APOO: variants seen among roughly 807,000 people sequenced by gnomAD.
APOO encodes the protein apolipoprotein O.
In APOO, 11 loss-of-function variants were observed where a neutral mutation model predicts 23.1. The observed-to-expected ratio is 0.48, with a 90% CI of 0.30 to 0.79. The LOEUF (loss-of-function observed/expected upper bound fraction) is 0.79, where lower values mean the gene tolerates loss of function less well. APOO is among the 30% of genes least tolerant of loss of function. The pLI, the probability that APOO is intolerant of heterozygous loss-of-function variation, is 0.07. For synonymous variants in APOO, 59 were observed against 54.8 expected (o/e 1.08, Z -0.34); for missense variants, 160 against 142.7 (o/e 1.12, Z -0.62).
chrX:23,875,173 C>T (rs1350509871), intron 3 of APOO, among the ~76,000 whole-genome samples: 2 of 107,648 alleles, frequency 1.9e-5, no homozygotes, highest in Non-Finnish European at 3.8e-5. Flanking sequence ...TCACTTCAAT[C>T]CAGGAGGCGG....
intron 7 of APOO, among the ~76,000 whole-genome samples, chrX:23,847,846 T>C (rs1236165347): frequency 9.5e-6 from 1 of 104,780 alleles, no homozygotes; most frequent in East Asian, 3.0e-4. Flanking sequence ...TATATATCCA[T>C]CTCTATATAA....
At chrX:23,905,370 A>G (rs1255450139) in intron 1 of APOO, among the ~76,000 whole-genome samples, 1 of 110,079 alleles carries the variant, frequency 9.1e-6, no homozygotes, top group Admixed American at 9.8e-5. Flanking sequence ...AGCCCGGACA[A>G]CAGGGCCAGA....
chrX:23,891,373 C>T (rs943794300), intron 1 of APOO, among the ~76,000 whole-genome samples: 8 of 111,133 alleles, frequency 7.2e-5, no homozygotes, highest in East Asian at 2.8e-4. Flanking sequence ...ATTACAGGCG[C>T]CCGCCACCAC....
At chrX:23,893,419 C>T (rs1047978310) in intron 1 of APOO, among the ~76,000 whole-genome samples, 30 of 109,153 alleles carry the variant, frequency 2.7e-4, no homozygotes, top group African/African-American at 9.3e-4. Context: ...GGCAAGGCTC[C>T]GTCTGAAAAA....
At chrX:23,879,552 A>G (rs1024886582) in intron 2 of APOO, among the ~76,000 whole-genome samples, 1 of 112,783 alleles carries the variant, frequency 8.9e-6, no homozygotes, top group African/African-American at 3.2e-5. Context: ...CCAAGGCCAA[A>G]AGGGCAGGGC....
chrX:23,834,011 A>G (rs1229844203), intron 8 of APOO, among the ~76,000 whole-genome samples: 3 of 110,712 alleles, frequency 2.7e-5, no homozygotes, highest in Non-Finnish European at 3.8e-5. Flanking sequence ...TAGAGAAACC[A>G]TAGAAAATAT....
intron 4 of APOO, among the ~76,000 whole-genome samples, chrX:23,874,007 C>A (rs1164291953): frequency 1.8e-5 from 2 of 111,927 alleles, no homozygotes; most frequent in Admixed American, 1.9e-4. Flanking sequence ...ATAGGAGTAC[C>A]AACTCAGCTC....
chrX:23,890,857 G>A (rs868341672), intron 1 of APOO, among the ~76,000 whole-genome samples: 110 of 111,577 alleles, frequency 9.9e-4, no homozygotes, highest in African/African-American at 3.3e-3. Flanking sequence ...AGGAGCATCC[G>A]CATTTAAGCA....
rs143362355 is a variant in APOO at position 23,849,583 on chromosome X, T to TAAAAAAAAAAAAAAAAAAAAA, written c.561+6698_561+6718dup. Among the ~76,000 whole-genome samples, 9 of 32,595 alleles carry TAAAAAAAAAAAAAAAAAAAAA rather than the reference T, an allele frequency of 2.8e-4. 1 individual carries two copies. Among genetic ancestry groups the TAAAAAAAAAAAAAAAAAAAAA allele is most frequent in the Admixed American group, 1.3e-3 (3 of 2,386 alleles). The allele number at this position is 32,595 out of a possible 115,157, so 28.3% of individuals were successfully genotyped here. On this transcript the variant is annotated intron_variant, in intron 7 of 8. Transcript: ENST00000379226. ...GGGAGCCTGTAGATTAAGAGAGACTTAAAAAAAAAAAAAAAAAAAAAAAAA... is the reference window on the plus strand; with the variant it reads ...GGGAGCCTGTAGATTAAGAGAGACTTAAAAAAAAAAAAAAAAAAAAAAAAAAAAAAAAAAAAAAAAAAAAAA...
intron 1 of APOO, among the ~76,000 whole-genome samples, chrX:23,903,440 G>A (rs1927217906): frequency 9.1e-6 from 1 of 110,266 alleles, no homozygotes; most frequent in Non-Finnish European, 1.9e-5. Flanking sequence ...ATTTTAACAA[G>A]AGTCACATGC....
chrX:23,893,234 G>A (rs1328524814), intron 1 of APOO, among the ~76,000 whole-genome samples: 1 of 105,856 alleles, frequency 9.4e-6, no homozygotes, highest in Non-Finnish European at 1.9e-5. Flanking sequence ...TGGCTAACAT[G>A]GTGAAACCCC....
chrX:23,894,659 G>T (rs1294425634), intron 1 of APOO, among the ~76,000 whole-genome samples: 1 of 109,877 alleles, frequency 9.1e-6, no homozygotes, highest in Admixed American at 9.8e-5. Flanking sequence ...AGCCAGGCAT[G>T]GTGGAGTGCG....
In APOO at chrX:23,871,295, G is replaced by A. The variant is rs1271657003; in HGVS notation, c.293-2607C>T. Among the ~76,000 whole-genome samples the A allele has an allele frequency of 1.3e-4, 13 of 103,101 alleles. No homozygotes were observed. The Middle Eastern group carries it at 0.015, about 117-fold the overall frequency. The allele number at this position is 103,101 out of a possible 115,157, so 89.5% of individuals were successfully genotyped here. A position where few individuals can be genotyped will look rare whatever the true frequency, so the allele number is the denominator to read the frequency against. ...GGAGAATGGCGTAAACCCAGGAGGC[G>A]GAGCTTGTAGTGAGCCGAGACCGCG... On this transcript the variant is annotated intron_variant, in intron 4 of 8. Transcript: ENST00000379226.
chrX:23,866,340 C>T (rs930763277), intron 5 of APOO, among the ~76,000 whole-genome samples: 3 of 112,015 alleles, frequency 2.7e-5, no homozygotes, highest in Non-Finnish European at 5.6e-5. Flanking sequence ...AAGTTGATTA[C>T]AAAAATAAGC....
chrX:23,834,070 T>C (rs1923538557), intron 8 of APOO, among the ~76,000 whole-genome samples: 1 of 110,105 alleles, frequency 9.1e-6, no homozygotes, highest in African/African-American at 3.3e-5. Context: ...GAGAAAACTG[T>C]AATTATTCCC....
At chrX:23,860,343 C>T (rs765610768) in intron 5 of APOO, among the ~76,000 whole-genome samples, 81 of 110,451 alleles carry the variant, frequency 7.3e-4, no homozygotes, top group Admixed American at 5.0e-3. Flanking sequence ...AAAACTACCC[C>T]TGGCCAGGAA....
intron 3 of APOO, among the ~76,000 whole-genome samples, chrX:23,878,533 T>C (rs776351609): frequency 2.6e-3 from 297 of 112,294 alleles, no homozygotes; most frequent in Admixed American, 4.3e-3. Flanking sequence ...ATGAGATGTG[T>C]TGACACAGGC....
chrX:23,899,417 G>C (rs1927037015), intron 1 of APOO, among the ~76,000 whole-genome samples: 1 of 111,942 alleles, frequency 8.9e-6, no homozygotes, highest in Non-Finnish European at 1.9e-5. Flanking sequence ...TAAGAAATTG[G>C]CACTGATTAA....
In APOO at chrX:23,881,348, T is replaced by C. The variant is rs752552338; in HGVS notation, c.10-396A>G. ...CCTCGGCCTCCCAAAGTGCTGAGAT[T>C]ACAGGTGTGAGCCAGTGCACCTGGC... On this transcript the variant is annotated intron_variant, in intron 1 of 8. Coordinates refer to ENST00000379226, the MANE Select transcript of APOO (RefSeq NM_024122.5). 2.7e-3 allele frequency among the ~76,000 whole-genome samples: 298 copies of C among 108,839 alleles called. 3 individuals are homozygous for C. The highest frequency in any genetic ancestry group is 9.5e-3 in the African/African-American group (285 of 29,874). 94.5% of individuals were successfully genotyped at this position (108,839 alleles called of 115,157 possible).
Sources: gnomAD v4.1 joint callset for allele counts (sites outside exome capture counted in the v4.1 genomes callset) on GRCh38, gnomAD v4.1.1 for gene constraint, MANE v1.5 for transcripts, NCBI Gene and HGNC (gene_info 2026-07-23, HGNC 2026-07-21) for gene names.